PUDP: variants seen among roughly 807,000 people sequenced by gnomAD.
PUDP encodes pseudouridine 5'-phosphatase, also known as pseudouridine-5'-phosphatase.
A neutral mutation model predicts 9.4 loss-of-function variants in PUDP; 8 were observed. The ratio of observed to expected loss-of-function variants is 0.85; its 90% CI spans 0.50 to 1.53. The LOEUF (loss-of-function observed/expected upper bound fraction) is 1.53, where lower values mean the gene tolerates loss of function less well. Ranked by LOEUF, PUDP falls within the 40% of genes most tolerant of loss-of-function variation. The probability of loss-of-function intolerance (pLI) is 0.00; values close to 1 mark genes in which losing one functional copy is unlikely to be tolerated. For synonymous variants in PUDP, 99 were observed against 80.7 expected (o/e 1.23, Z -1.22); for missense variants, 188 against 189.7 (o/e 0.99, Z 0.05).
intron 3 of PUDP, among the ~76,000 whole-genome samples, chrX:6,776,495 C>A (rs1442697835): frequency 2.7e-5 from 3 of 111,426 alleles, no homozygotes; most frequent in Non-Finnish European, 3.8e-5. Flanking sequence ...TGCGCCACTA[C>A]ACTCCGGCCT....
At chrX:6,960,407 G>A (rs2094003460) in intron 3 of PUDP, among the ~76,000 whole-genome samples, 1 of 111,637 alleles carries the variant, frequency 9.0e-6, no homozygotes, top group Non-Finnish European at 1.9e-5. Context: ...TCTCTTTGAG[G>A]CAGGGTCTTG....
At chrX:6,801,146 A>C (rs929288182) in intron 3 of PUDP, among the ~76,000 whole-genome samples, 1 of 111,990 alleles carries the variant, frequency 8.9e-6, no homozygotes, top group African/African-American at 3.3e-5. Flanking sequence ...CAGCTACTTA[A>C]AAAGAAAAAG....
intron 3 of PUDP, among the ~76,000 whole-genome samples, chrX:6,874,460 T>C (rs1927221897): frequency 8.9e-6 from 1 of 112,517 alleles, no homozygotes; most frequent in Non-Finnish European, 1.9e-5. Flanking sequence ...GATGTAAACA[T>C]TTTGAAAAGA....
At chrX:6,766,600 T>C (rs73457864) in intron 3 of PUDP, among the ~76,000 whole-genome samples, 1 of 111,556 alleles carries the variant, frequency 9.0e-6, no homozygotes, top group African/African-American at 3.3e-5. Context: ...TAAAACACTA[T>C]AGATATCCAA....
intron 3 of PUDP, among the ~76,000 whole-genome samples, chrX:6,888,528 T>C (rs1348781279): frequency 2.7e-5 from 3 of 109,507 alleles, no homozygotes; most frequent in African/African-American, 1.0e-4. Flanking sequence ...TGCACGCCTG[T>C]AGTCCCAGCT....
At chrX:6,858,687 T>G (rs1056158187) in intron 3 of PUDP, among the ~76,000 whole-genome samples, 15 of 111,749 alleles carry the variant, frequency 1.3e-4, no homozygotes, top group Non-Finnish European at 2.3e-4. Flanking sequence ...TAAGTTCTAG[T>G]GAATTACAGA....
intron 1 of PUDP, among the ~76,000 whole-genome samples, chrX:7,010,703 T>A (rs1427718787): frequency 9.0e-6 from 1 of 111,687 alleles, no homozygotes; most frequent in African/African-American, 3.3e-5. Flanking sequence ...ACGATTCTGG[T>A]GTAATGCTAT....
intron 3 of PUDP, among the ~76,000 whole-genome samples, chrX:6,830,377 A>G (rs1198644932): frequency 1.8e-5 from 2 of 111,794 alleles, no homozygotes; most frequent in Non-Finnish European, 3.8e-5. Flanking sequence ...AAAAGTGAGA[A>G]GAAGAAAAAC....
At chrX:6,976,179 G>A (rs916109969) in intron 3 of PUDP, among the ~76,000 whole-genome samples, 7 of 111,747 alleles carry the variant, frequency 6.3e-5, no homozygotes, top group African/African-American at 2.3e-4. Flanking sequence ...TTGGCTCCCT[G>A]GCTTCAGCCC....
chrX:7,055,965 A>T (rs181100011), intron 3 of PUDP, among the ~76,000 whole-genome samples: 20 of 111,122 alleles, frequency 1.8e-4, no homozygotes, highest in Non-Finnish European at 3.4e-4. Flanking sequence ...CCTTTTAAGC[A>T]CCTGGCTCTC....
At chrX:6,776,803 C>G (rs1456052628) in intron 3 of PUDP, among the ~76,000 whole-genome samples, 1 of 112,552 alleles carries the variant, frequency 8.9e-6, no homozygotes, top group African/African-American at 3.2e-5. Context: ...AACAAGCCCA[C>G]TATGCACTTA....
At chrX:6,856,316 T>C (rs1160227301) in intron 3 of PUDP, among the ~76,000 whole-genome samples, 1 of 111,893 alleles carries the variant, frequency 8.9e-6, no homozygotes, top group Non-Finnish European at 1.9e-5. Flanking sequence ...TCACCTATTA[T>C]CTGCAGTGAG....
chrX:6,812,570 G>T (rs4914909), intron 3 of PUDP, among the ~76,000 whole-genome samples: 57,275 of 110,147 alleles, frequency 0.52, 12,094 homozygotes, highest in African/African-American at 0.8. Flanking sequence ...TCAAAGAAAC[G>T]ATTTTAATGT....
intron 3 of PUDP, among the ~76,000 whole-genome samples, chrX:6,752,040 G>A (rs1017664603): frequency 1.8e-5 from 2 of 111,188 alleles, no homozygotes; most frequent in Non-Finnish European, 3.8e-5. Context: ...CTAGCAGGCA[G>A]GTGGTGCTTT....
chrX:7,014,522 C>T (rs1191515669), intron 1 of PUDP, among the ~76,000 whole-genome samples: 4 of 111,249 alleles, frequency 3.6e-5, no homozygotes, highest in Non-Finnish European at 7.5e-5. Flanking sequence ...GCAGACTTGG[C>T]GAATCTTCAA....
At chrX:7,087,553 T>C (rs1223757769) in intron 2 of PUDP, among the ~76,000 whole-genome samples, 1 of 112,171 alleles carries the variant, frequency 8.9e-6, no homozygotes, top group Non-Finnish European at 1.9e-5. Context: ...TAGACTGAGG[T>C]TCTATCTGTG....
intron 1 of PUDP, among the ~76,000 whole-genome samples, chrX:6,711,762 G>C (rs964117663): frequency 6.3e-5 from 7 of 111,948 alleles, no homozygotes; most frequent in Non-Finnish European, 1.1e-4. Context: ...TCTGGTCCAC[G>C]TGGGGCTGCA....
At chrX:7,124,743 G>A (rs1433844662) in intron 1 of PUDP, among the ~76,000 whole-genome samples, 3 of 110,917 alleles carry the variant, frequency 2.7e-5, no homozygotes, top group African/African-American at 6.6e-5. Flanking sequence ...TCAGGAGATC[G>A]AGACCATCCT....
chrX:6,720,749 C>T (rs5948738), intron 1 of PUDP, among the ~76,000 whole-genome samples: 50,928 of 108,987 alleles, frequency 0.47, 9,191 homozygotes, highest in African/African-American at 0.63. Context: ...TCATAACGTG[C>T]TCGTTTATCA....
Sources: gnomAD v4.1 joint callset for allele counts (sites outside exome capture counted in the v4.1 genomes callset) on GRCh38, gnomAD v4.1.1 for gene constraint, MANE v1.5 for transcripts, NCBI Gene and HGNC (gene_info 2026-07-23, HGNC 2026-07-21) for gene names.